Variants in SKAP1 observed in about 807,000 individuals in gnomAD.
SKAP1 encodes src kinase-associated phosphoprotein 1.
Under a neutral mutation model 58.5 loss-of-function variants are expected in SKAP1, and 44 were observed. That is an observed-to-expected ratio of 0.75 (90% CI 0.59 to 0.97). SKAP1 has a LOEUF of 0.97. Ranked by LOEUF, SKAP1 falls within the 50% of genes least tolerant of loss-of-function variation. SKAP1 has a pLI of 0.00. For synonymous variants in SKAP1, 127 were observed against 149.7 expected, an observed-to-expected ratio of 0.85 and a Z score of 1.11; for missense variants, 390 against 435.2, an observed-to-expected ratio of 0.90 and a Z score of 0.92.
Position 48,430,094 on chromosome 17 carries a change from C to A in SKAP1, c.27G>T (p.Glu9Asp). The A allele has an allele frequency of 7.9e-7, 1 of 1,265,926 alleles. No individual in the cohort carries two copies. Among genetic ancestry groups the A allele is most frequent in the East Asian group, 3.0e-5 (1 of 33,130 alleles). 78.4% of individuals were successfully genotyped at this position (1,265,926 alleles called of 1,614,324 possible). MQAAALPE[E>D]IRWLLEDAEE... ...CGTTACCTTCCAGGAGCCAACGGAT[C>A]TCCTCAGGGAGGGCGGCGGCCTGCA... The change falls in exon 1 of 13, where the codon GAG becomes GAT. Residue 9 changes from glutamate to aspartate, a missense_variant. Physicochemically the swap from Glu to Asp is conservative, Grantham distance 45 (BLOSUM62 2). Coordinates refer to ENST00000336915, the MANE Select transcript of SKAP1 (RefSeq NM_003726.4).
intron 4 of SKAP1, among the ~76,000 whole-genome samples, chr17:48,244,256 T>C (rs2065271628): frequency 6.6e-6 from 1 of 152,124 alleles, no homozygotes; most frequent in African/African-American, 2.4e-5. Flanking sequence ...CCATAAATAC[T>C]GCCCCATCCC....
chr17:48,389,610 T>C (rs1430058437), intron 2 of SKAP1, among the ~76,000 whole-genome samples: 1 of 152,220 alleles, frequency 6.6e-6, no homozygotes, highest in Non-Finnish European at 1.5e-5. Context: ...TCCTGTGGGA[T>C]TGATTTTTTT....
intron 11 of SKAP1, among the ~76,000 whole-genome samples, chr17:48,150,836 T>C (rs1050456299): frequency 5.3e-5 from 8 of 151,804 alleles, no homozygotes; most frequent in Non-Finnish European, 1.0e-4. Context: ...GCACAGAGAG[T>C]CTGAAACGGT....
chr17:48,414,365 C>T (rs1279173255), intron 1 of SKAP1, among the ~76,000 whole-genome samples: 1 of 152,008 alleles, frequency 6.6e-6, no homozygotes, highest in Non-Finnish European at 1.5e-5. Context: ...GGCATGGGAA[C>T]ATCATATGCA....
At chr17:48,426,596 G>GA (rs1172295643) in intron 1 of SKAP1, among the ~76,000 whole-genome samples, 1 of 152,000 alleles carries the variant, frequency 6.6e-6, no homozygotes, top group Non-Finnish European at 1.5e-5. Flanking sequence ...GGTTATCACA[G>GA]AACAAAAACA....
chr17:48,293,434 A>T (rs1164963311), intron 4 of SKAP1, among the ~76,000 whole-genome samples: 12 of 152,218 alleles, frequency 7.9e-5, no homozygotes, highest in African/African-American at 2.4e-4. Flanking sequence ...AGAGATGATA[A>T]AAGGTGTATT....
At chr17:48,153,475 C>T (rs1598371317) in intron 11 of SKAP1, among the ~76,000 whole-genome samples, 2 of 152,190 alleles carry the variant, frequency 1.3e-5, no homozygotes, top group Non-Finnish European at 2.9e-5. Flanking sequence ...CCTCCTAACT[C>T]CGTTGCCTCC....
At chr17:48,158,663 A>C (rs1267327241) in intron 11 of SKAP1, among the ~76,000 whole-genome samples, 2 of 150,852 alleles carry the variant, frequency 1.3e-5, no homozygotes, top group Non-Finnish European at 3.0e-5. Flanking sequence ...TTGGGTGACT[A>C]TTAAGAAACA....
intron 4 of SKAP1, among the ~76,000 whole-genome samples, chr17:48,329,416 T>A (rs1342533564): frequency 6.6e-6 from 1 of 152,080 alleles, no homozygotes; most frequent in Non-Finnish European, 1.5e-5. Flanking sequence ...GGAGTAACAA[T>A]CAACGTGGCT....
chr17:48,172,193 T>C (rs962573279), intron 9 of SKAP1, among the ~76,000 whole-genome samples: 2 of 152,212 alleles, frequency 1.3e-5, no homozygotes, highest in Non-Finnish European at 1.5e-5. Flanking sequence ...GGGCTTGTAG[T>C]TATCTTTTTA....
At chr17:48,198,666 GAA>G (rs959546376) in intron 4 of SKAP1, among the ~76,000 whole-genome samples, 1 of 149,782 alleles carries the variant, frequency 6.7e-6, no homozygotes, top group Non-Finnish European at 1.5e-5. Context: ...TTATTTACTT[GAA>G]AAAAAAAATT....
intron 4 of SKAP1, among the ~76,000 whole-genome samples, chr17:48,237,358 C>T (rs537891082): frequency 2.0e-5 from 3 of 152,222 alleles, no homozygotes; most frequent in Admixed American, 2.0e-4. Context: ...TGTGAAATCA[C>T]GTAGCTAGAA....
chr17:48,361,071 G>GTACTATACTATACTA (rs67180445), intron 3 of SKAP1, among the ~76,000 whole-genome samples: 2,087 of 145,460 alleles, frequency 0.014, 22 homozygotes, highest in East Asian at 0.02. Flanking sequence ...AACTTGTACT[G>GTACTATACTATACTA]TACTATACTA....
chr17:48,352,410 T>C (rs542076233), intron 3 of SKAP1, among the ~76,000 whole-genome samples: 24 of 152,272 alleles, frequency 1.6e-4, no homozygotes, highest in African/African-American at 5.8e-4. Context: ...TCAAAATATA[T>C]AAACCTAGGT....
chr17:48,187,796 T>C, intron 6 of SKAP1, 47 bp downstream of exon 6: 2 of 1,346,414 alleles, frequency 1.5e-6, no homozygotes, highest in Middle Eastern at 1.8e-4. Context: ...TTACGAAGTG[T>C]TTGCATCCAG....
intron 4 of SKAP1, among the ~76,000 whole-genome samples, chr17:48,313,149 G>A (rs918296373): frequency 3.3e-5 from 5 of 151,544 alleles, no homozygotes; most frequent in African/African-American, 9.7e-5. Context: ...CGGGGCGGTG[G>A]GGGGGTGGGA....
At chr17:48,196,103 C>T (rs1318594589) in intron 4 of SKAP1, among the ~76,000 whole-genome samples, 1 of 152,092 alleles carries the variant, frequency 6.6e-6, no homozygotes, top group Non-Finnish European at 1.5e-5. Flanking sequence ...TATTATCATC[C>T]CCACTTTACA....
At chr17:48,406,751 A>G (rs1217445381) in intron 1 of SKAP1, among the ~76,000 whole-genome samples, 2 of 152,080 alleles carry the variant, frequency 1.3e-5, no homozygotes, top group Admixed American at 1.3e-4. Flanking sequence ...TTTTTAGTAG[A>G]GACGAGGTTT....
intron 3 of SKAP1, among the ~76,000 whole-genome samples, chr17:48,349,699 G>C (rs2066772362): frequency 6.6e-6 from 1 of 152,166 alleles, no homozygotes; most frequent in South Asian, 2.1e-4. Context: ...GGGCCCATAA[G>C]CAGGATGATT....
Sources: gnomAD v4.1 joint callset for allele counts (sites outside exome capture counted in the v4.1 genomes callset) on GRCh38, gnomAD v4.1.1 for gene constraint, MANE v1.5 for transcripts, NCBI Gene and HGNC (gene_info 2026-07-23, HGNC 2026-07-21) for gene names.